Variants in LRRC72 observed in about 807,000 individuals in gnomAD.
LRRC72 encodes leucine rich repeat containing 72, also known as leucine-rich repeat-containing protein 72.
A neutral mutation model predicts 35.8 loss-of-function variants in LRRC72; 41 were observed. The ratio of observed to expected loss-of-function variants is 1.15; its 90% CI spans 0.89 to 1.49. The LOEUF is 1.49. Ranked by LOEUF, LRRC72 falls within the 40% of genes most tolerant of loss-of-function variation. The pLI is 0.00. For missense variants in LRRC72, 389 were observed against 330.7 expected (o/e 1.18, Z -1.37); for synonymous variants, 118 against 119.2 (o/e 0.99, Z 0.07).
chr7:16,542,302 G>A (rs1028148918), intron 3 of LRRC72, among the ~76,000 whole-genome samples: 1 of 152,108 alleles, frequency 6.6e-6, no homozygotes, highest in Non-Finnish European at 1.5e-5. Flanking sequence ...TGAAGGGGTG[G>A]GGCAGGAAAG....
intron 5 of LRRC72, among the ~76,000 whole-genome samples, chr7:16,566,090 A>C (rs1341644858): frequency 6.6e-6 from 1 of 152,234 alleles, no homozygotes; most frequent in Non-Finnish European, 1.5e-5. Context: ...TTCCTAGTGG[A>C]TAGTAAGCAC....
chr7:16,537,562 A>G (rs1179808820), intron 2 of LRRC72, 65 bp from the exon 3 acceptor site: 4 of 973,804 alleles, frequency 4.1e-6, no homozygotes, highest in Non-Finnish European at 6.1e-6. Flanking sequence ...TACTAACTAC[A>G]TGCCCAGACT....
intron 3 of LRRC72, among the ~76,000 whole-genome samples, chr7:16,544,621 A>C (rs1782413133): frequency 6.6e-6 from 1 of 152,198 alleles, no homozygotes; most frequent in African/African-American, 2.4e-5. Context: ...TAAGTGACCT[A>C]TATTTTACAC....
chr7:16,560,588 G>C (rs1443294199), intron 5 of LRRC72, among the ~76,000 whole-genome samples: 2 of 151,972 alleles, frequency 1.3e-5, no homozygotes, highest in Admixed American at 1.3e-4. Flanking sequence ...ATAATTAAAA[G>C]ACTAGTTATG....
rs374507422 is a variant in LRRC72, at chr7:16,566,561, A to G, written c.517+159A>G. ...AGTTTTTCAATTATTTATTTTTGAAAGACTTGCTCTCTAAAATTTGCCCTA... is the reference window on the plus strand; with the variant it reads ...AGTTTTTCAATTATTTATTTTTGAAGGACTTGCTCTCTAAAATTTGCCCTA... On this transcript the variant is annotated intron_variant, in intron 6 of 8. Coordinates refer to ENST00000401542, the MANE Select transcript of LRRC72 (RefSeq NM_001195280.2). Among the ~76,000 whole-genome samples, 6 of 152,312 alleles carry G rather than the reference A, an allele frequency of 3.9e-5. No individual in the cohort carries two copies. The East Asian group carries it at 1.2e-3, about 29-fold the overall frequency.
intron 1 of LRRC72, among the ~76,000 whole-genome samples, chr7:16,529,448 G>T (rs530392022): frequency 2.8e-4 from 43 of 152,146 alleles, no homozygotes; most frequent in South Asian, 8.3e-4. Context: ...GTTTTTTGGG[G>T]TTTTTTTAAT....
At chr7:16,562,922 T>C (rs1315968205) in intron 5 of LRRC72, among the ~76,000 whole-genome samples, 3 of 152,186 alleles carry the variant, frequency 2.0e-5, no homozygotes, top group African/African-American at 4.8e-5. Flanking sequence ...GTGATTTCCA[T>C]ATTCAGTAAA....
intron 7 of LRRC72, among the ~76,000 whole-genome samples, chr7:16,576,968 G>A (rs1278165464): frequency 6.6e-6 from 1 of 152,166 alleles, no homozygotes; most frequent in African/African-American, 2.4e-5. Context: ...TACAGACAAG[G>A]CAGGACACAA....
At chr7:16,541,938 C>T (rs866604956) in intron 3 of LRRC72, among the ~76,000 whole-genome samples, 19 of 146,936 alleles carry the variant, frequency 1.3e-4, no homozygotes, top group South Asian at 6.3e-4. Flanking sequence ...CACACACAGA[C>T]AGACAGACAC....
chr7:16,540,776 A>G (rs957844391), intron 3 of LRRC72, among the ~76,000 whole-genome samples: 1 of 152,156 alleles, frequency 6.6e-6, no homozygotes, highest in African/African-American at 2.4e-5. Context: ...CCACCATGTA[A>G]GAGGTGACTT....
At chr7:16,532,850 T>A in intron 2 of LRRC72, 1 of 438,748 alleles carries the variant, frequency 2.3e-6, no homozygotes, top group South Asian at 2.2e-5. Context: ...CTATTAGGAT[T>A]GTCAGATTTA....
chr7:16,542,502 C>T (rs1782374728), intron 3 of LRRC72, among the ~76,000 whole-genome samples: 1 of 152,168 alleles, frequency 6.6e-6, no homozygotes, highest in African/African-American at 2.4e-5. Flanking sequence ...CAAGGTGGTC[C>T]AGGCACAGCT....
intron 3 of LRRC72, among the ~76,000 whole-genome samples, chr7:16,540,823 C>G (rs967353998): frequency 1.3e-5 from 2 of 152,202 alleles, no homozygotes; most frequent in Admixed American, 1.3e-4. Flanking sequence ...TGTAAGCTTC[C>G]TGAGGCCTTC....
chr7:16,574,106 A>G (rs1583654273), intron 7 of LRRC72, among the ~76,000 whole-genome samples: 1 of 152,180 alleles, frequency 6.6e-6, no homozygotes, highest in Admixed American at 6.5e-5. Context: ...TGAGATACCA[A>G]CTCATGCCAG....
intron 5 of LRRC72, among the ~76,000 whole-genome samples, chr7:16,563,079 G>A (rs899350424): frequency 6.6e-6 from 1 of 152,056 alleles, no homozygotes; most frequent in South Asian, 2.1e-4. Context: ...CCTTCCACAG[G>A]CCGTTCTCTA....
Sources: allele counts gnomAD v4.1 joint callset (sites outside exome capture counted in the v4.1 genomes callset), GRCh38; gene constraint gnomAD v4.1.1; transcripts MANE v1.5; gene names NCBI Gene and HGNC (gene_info 2026-07-23, HGNC 2026-07-21).